The following GALNS variants were observed in gnomAD, a reference collection of about 807,000 sequenced individuals.
The protein encoded by GALNS is galactosamine (N-acetyl)-6-sulfatase, also known as N-acetylgalactosamine-6-sulfatase.
In GALNS, 65 loss-of-function variants were observed where a neutral mutation model predicts 65.9. The observed-to-expected ratio is 0.99, with a 90% CI of 0.81 to 1.21. GALNS has a LOEUF of 1.21. GALNS is among the 50% of genes most tolerant of loss of function. GALNS has a pLI of 0.00. For missense variants in GALNS, 776 were observed against 700.7 expected (o/e 1.11, Z -1.21); for synonymous variants, 346 against 288.9 (o/e 1.20, Z -2.00).
At chr16:88,839,349 A>G (rs1912481582) in intron 4 of GALNS, among the ~76,000 whole-genome samples, 1 of 152,218 alleles carries the variant, frequency 6.6e-6, no homozygotes, top group Non-Finnish European at 1.5e-5. Flanking sequence ...TCCGCAGCAC[A>G]AAGGCCTTGC....
At position 88,836,250 on chromosome 16, in the gene GALNS, G is replaced by T; in HGVS notation, c.584C>A (p.Pro195His). 6.2e-7 allele frequency: 1 copy of T among 1,613,024 alleles called. No homozygotes were observed. The highest frequency in any genetic ancestry group is 8.5e-7 in the Non-Finnish European group (1 of 1,179,696). The change falls in exon 6 of 14, where the codon CCT becomes CAT. Residue 195 changes from proline (P) to histidine (H), a missense_variant. Physicochemically the swap from Pro to His is moderately conservative, Grantham distance 77 (BLOSUM62 -2). Coordinates refer to ENST00000268695, the MANE Select transcript of GALNS (RefSeq NM_000512.5). ...GGCTTCCCCCGTCTTCAGATTAATA[G>T]GAAATTCTTCATAATATCTGAAAAG... ...EMVGRYYEEF[P>H]INLKTGEANL...
chr16:88,835,452 A>G (rs930885010), intron 7 of GALNS, 100 bp from the exon 8 acceptor site: 41 of 1,484,354 alleles, frequency 2.8e-5, no homozygotes, highest in South Asian at 5.9e-5. Context: ...TCATTAAATC[A>G]TAACTTCACA....
chr16:88,819,295 G>T (rs1909959764), intron 12 of GALNS, among the ~76,000 whole-genome samples: 1 of 152,136 alleles, frequency 6.6e-6, no homozygotes, highest in East Asian at 1.9e-4. Context: ...GAGAGCTGGG[G>T]TCCTTCAGGG....
chr16:88,855,180 G>C (rs754013575), intron 1 of GALNS: 1 of 667,330 alleles, frequency 1.5e-6, no homozygotes, highest in Non-Finnish European at 2.7e-6. Context: ...ATATTATTTC[G>C]ACAAGTCTTC....
chr16:88,831,279 A>G (rs1484687892), intron 9 of GALNS, among the ~76,000 whole-genome samples: 86 of 90,386 alleles, frequency 9.5e-4, no homozygotes, highest in East Asian at 1.9e-3. Context: ...GTGCGTGGGG[A>G]GGAGAGCGGT....
At chr16:88,855,769 C>A (rs1967805628) in intron 1 of GALNS, 1 of 542,116 alleles carries the variant, frequency 1.8e-6, no homozygotes, top group Admixed American at 3.3e-5. Context: ...GACTGCCCAG[C>A]CCTTGGGTGT....
Position 88,814,412 on chromosome 16 carries a change from T to C in GALNS, c.*27A>G, listed in dbSNP as rs1909415230. On this transcript the variant is annotated 3_prime_UTR_variant, in exon 14 of 14. Transcript: ENST00000268695. ...CACTTGCAGGGCCAACCGGAGATTC[T>C]AGGCCTGGCCTGAGTCTGCGCAGGT... The C allele has an allele frequency of 6.4e-7, 1 of 1,551,946 alleles. No individual in the cohort carries two copies. Among genetic ancestry groups the C allele is most frequent in the South Asian group, 1.2e-5 (1 of 84,120 alleles).
At chr16:88,836,134 G>A in intron 6 of GALNS, 67 bp downstream of exon 6, 1 of 1,439,912 alleles carries the variant, frequency 6.9e-7, no homozygotes, top group Admixed American at 1.8e-5. Context: ...GCCTCCCACA[G>A]GATGAGGTTG....
At chr16:88,832,402 C>T (rs1028127335) in intron 8 of GALNS, among the ~76,000 whole-genome samples, 6 of 152,328 alleles carry the variant, frequency 3.9e-5, no homozygotes, top group East Asian at 1.9e-4. Context: ...CTGGGTGCCA[C>T]GTGCGCAGCT....
intron 8 of GALNS, among the ~76,000 whole-genome samples, 179 bp from the exon 9 acceptor site, chr16:88,832,280 C>T (rs1249909365): frequency 6.6e-6 from 1 of 152,238 alleles, no homozygotes; most frequent in East Asian, 1.9e-4. Flanking sequence ...TGAGATGCCG[C>T]GGCTGCAAAG....
intron 10 of GALNS, among the ~76,000 whole-genome samples, chr16:88,825,227 TCTGGGG>T (rs1910721489): frequency 1.0e-5 from 1 of 96,958 alleles, no homozygotes; most frequent in Non-Finnish European, 1.9e-5. Flanking sequence ...CGCCTGGGTG[TCTGGGG>T]CTGGGGTGTC....
intron 4 of GALNS, among the ~76,000 whole-genome samples, chr16:88,839,552 A>G (rs561988497): frequency 1.1e-4 from 17 of 152,298 alleles, no homozygotes; most frequent in African/African-American, 4.1e-4. Flanking sequence ...CCTCTTTTTG[A>G]GTCCAGGTGA....
intron 1 of GALNS, chr16:88,845,676 G>C (rs764228376): frequency 1.3e-5 from 2 of 151,684 alleles, no homozygotes; most frequent in Non-Finnish European, 2.9e-5. Flanking sequence ...CCCGGGAGGC[G>C]GAGGTTGCAG....
intron 1 of GALNS, chr16:88,855,928 T>C: frequency 3.6e-6 from 2 of 552,698 alleles, no homozygotes; most frequent in South Asian, 2.1e-5. Context: ...ACACACAACG[T>C]GAGCACGGCG....
chr16:88,846,192 TG>T (rs1397352787), intron 1 of GALNS, among the ~76,000 whole-genome samples: 1 of 152,234 alleles, frequency 6.6e-6, no homozygotes, highest in Non-Finnish European at 1.5e-5. Flanking sequence ...GCTGAAATCA[TG>T]GCCCCAGTGT....
intron 5 of GALNS, 44 bp downstream of exon 5, chr16:88,837,578 C>T (rs770004300): frequency 1.2e-6 from 2 of 1,604,694 alleles, no homozygotes; most frequent in South Asian, 1.1e-5. Flanking sequence ...ACGCCGGGCA[C>T]AGCAGTTCAG....
chr16:88,851,520 G>A lies in GALNS; in HGVS notation c.120+5238C>T, dbSNP rs189014561. On this transcript the variant is annotated intron_variant, in intron 1 of 13. Transcript: ENST00000268695. ...TACTGGGACTGGTTGGACAGTGAGTGCAGCCCATGGAGGGTGAGCCGAAGC... is the reference window on the plus strand; with the variant it reads ...TACTGGGACTGGTTGGACAGTGAGTACAGCCCATGGAGGGTGAGCCGAAGC... Among the ~76,000 whole-genome samples the A allele has an allele frequency of 1.6e-3, 243 of 152,286 alleles. 1 individual carries two copies. The highest frequency in any genetic ancestry group is 5.6e-3 in the African/African-American group (233 of 41,558).
chr16:88,849,059 C>G (rs1967388472), intron 1 of GALNS, among the ~76,000 whole-genome samples: 1 of 152,200 alleles, frequency 6.6e-6, no homozygotes, highest in African/African-American at 2.4e-5. Context: ...CTCAAAGGCC[C>G]TCCATGTCTC....
rs905804650 is a variant in GALNS at position 88,814,694 on chromosome 16, A to G, written c.1483-169T>C. 2.2e-5 allele frequency: 13 copies of G among 595,658 alleles called. No homozygotes were observed. In the African/African-American group the frequency reaches 2.6e-4, roughly 12 times the overall value. 36.9% of individuals were successfully genotyped at this position (595,658 alleles called of 1,614,324 possible). A position where few individuals can be genotyped will look rare whatever the true frequency, so the allele number is the denominator to read the frequency against. The stretch of plus-strand genomic sequence containing the variant: ...CTGCAACCTCTGCCTTCCGGGTTCA[A>G]GAGATTCTCCTGCCTCAGCCTCCTG... On this transcript the variant is annotated intron_variant, in intron 13 of 13. Coordinates refer to ENST00000268695, the MANE Select transcript of GALNS (RefSeq NM_000512.5).
Sources: allele counts gnomAD v4.1 joint callset (sites outside exome capture counted in the v4.1 genomes callset), GRCh38; gene constraint gnomAD v4.1.1; transcripts MANE v1.5; gene names NCBI Gene and HGNC (gene_info 2026-07-23, HGNC 2026-07-21).